Variants in MORN4 observed in about 807,000 individuals in gnomAD.
The protein encoded by MORN4 is MORN repeat containing 4.
MORN4 carries 8 observed loss-of-function variants against 16.4 expected under a neutral mutation model. The observed-to-expected ratio is 0.49, with a 90% CI of 0.29 to 0.88. The LOEUF is 0.88. Ranked by LOEUF, MORN4 falls within the 40% of genes least tolerant of loss-of-function variation. The probability of loss-of-function intolerance (pLI) is 0.09; values close to 1 mark genes in which losing one functional copy is unlikely to be tolerated. For missense variants in MORN4, 159 were observed against 182.9 expected (o/e 0.87, Z 0.75); for synonymous variants, 53 against 68.9 (o/e 0.77, Z 1.14).
intron 1 of MORN4, among the ~76,000 whole-genome samples, chr10:97,625,104 G>T (rs2041336065): frequency 6.6e-6 from 1 of 152,180 alleles, no homozygotes; most frequent in Admixed American, 6.6e-5. Flanking sequence ...GGTGCAGAGA[G>T]GATAAGTAAA....
intron 1 of MORN4, among the ~76,000 whole-genome samples, chr10:97,632,460 A>G (rs1196236207): frequency 1.1e-4 from 17 of 151,496 alleles, no homozygotes; most frequent in Non-Finnish European, 1.5e-4. Flanking sequence ...TTCGTGATCC[A>G]CCCGCCTCGG....
At chr10:97,626,987 C>T (rs1172704983) in intron 1 of MORN4, among the ~76,000 whole-genome samples, 2 of 151,594 alleles carry the variant, frequency 1.3e-5, no homozygotes, top group South Asian at 2.1e-4. Flanking sequence ...GAACTCCTGA[C>T]CTCAGGTGAT....
chr10:97,624,245 C>T (rs1180789543), intron 1 of MORN4, among the ~76,000 whole-genome samples: 2 of 152,182 alleles, frequency 1.3e-5, no homozygotes, highest in Non-Finnish European at 2.9e-5. Flanking sequence ...GTTAAATTTG[C>T]TTTCTCCACA....
upstream of MORN4, among the ~76,000 whole-genome samples, chr10:97,633,837 C>T (rs753990358): frequency 2.6e-5 from 4 of 152,232 alleles, no homozygotes; most frequent in Admixed American, 6.5e-5. The surrounding 1 kb of genome is among the most constrained non-coding windows in gnomAD (Gnocchi z 4.5). Flanking sequence ...AAGGCAGATC[C>T]TAAATCCAGC....
At chr10:97,626,845 C>A (rs1258814277) in intron 1 of MORN4, among the ~76,000 whole-genome samples, 1 of 150,852 alleles carries the variant, frequency 6.6e-6, no homozygotes, top group Non-Finnish European at 1.5e-5. Flanking sequence ...GTAACCTCTG[C>A]CTCCCAGGTT....
intron 1 of MORN4, among the ~76,000 whole-genome samples, chr10:97,625,515 T>C (rs1293705934): frequency 6.6e-6 from 1 of 152,210 alleles, no homozygotes; most frequent in Non-Finnish European, 1.5e-5. Flanking sequence ...CCACTAAATG[T>C]TAGTTTCTTT....
chr10:97,625,474 C>A (rs985564752), intron 1 of MORN4, among the ~76,000 whole-genome samples: 1 of 152,128 alleles, frequency 6.6e-6, no homozygotes, highest in Non-Finnish European at 1.5e-5. Context: ...ATGACACACA[C>A]GTAAGTACCT....
chr10:97,619,154 G>A (rs1216154573), intron 2 of MORN4, among the ~76,000 whole-genome samples: 2 of 151,900 alleles, frequency 1.3e-5, no homozygotes, highest in Non-Finnish European at 2.9e-5. Flanking sequence ...GTGAAACCCC[G>A]TCTCTACTAA....
In MORN4 at chr10:97,618,258, C is replaced by CTTTTTT. The variant is rs1192502394; in HGVS notation, c.68-942_68-937dup. On this transcript the variant is annotated intron_variant, in intron 2 of 4. Transcript: ENST00000307450. ...CCTTTACTATGTGCCAGCCTCTCTT[C>CTTTTTT]TTTTTTTTTTTTTTTTTTTTTTTTG... 3.0e-3 allele frequency among the ~76,000 whole-genome samples: 283 copies of CTTTTTT among 92,828 alleles called. 7 individuals carry two copies. Among genetic ancestry groups the CTTTTTT allele is most frequent in the East Asian group, 0.012 (33 of 2,794 alleles). 60.9% of individuals were successfully genotyped at this position (92,828 alleles called of 152,430 possible).
chr10:97,616,449 G>A (rs1247133013), intron 4 of MORN4, 38 bp from the exon 5 acceptor site: 13 of 1,560,042 alleles, frequency 8.3e-6, no homozygotes, highest in African/African-American at 1.4e-5. Context: ...AGTGACAATG[G>A]CATTAATGTC....
chr10:97,627,758 C>T (rs184999289), intron 1 of MORN4, among the ~76,000 whole-genome samples: 1 of 152,268 alleles, frequency 6.6e-6, no homozygotes, highest in Non-Finnish European at 1.5e-5. Flanking sequence ...AGAAGATATC[C>T]GAGGCAAGGA....
chr10:97,629,828 G>C (rs930404247), intron 1 of MORN4, among the ~76,000 whole-genome samples: 2 of 151,448 alleles, frequency 1.3e-5, no homozygotes, highest in Admixed American at 6.6e-5. Flanking sequence ...GTGTGATCTC[G>C]GCTCACTGCA....
In MORN4 at chr10:97,633,277, C is replaced by G. The variant is rs2041413006; in HGVS notation, c.-31+70G>C. The stretch of plus-strand genomic sequence containing the variant: ...CCCCCGAGCCGGGTCATCTCGTGCT[C>G]CGTTCCTCAGTGCCCACCTGACCGA... On this transcript the variant is annotated intron_variant, in intron 1 of 4. Transcript: ENST00000307450. The surrounding 1 kb of genome is among the most constrained non-coding windows in gnomAD (Gnocchi z 4.5). 2 of 1,267,042 alleles carry G rather than the reference C, an allele frequency of 1.6e-6. No individual in the cohort carries two copies. Among genetic ancestry groups the G allele is most frequent in the South Asian group, 1.3e-5 (1 of 78,116 alleles). 78.5% of individuals were successfully genotyped at this position (1,267,042 alleles called of 1,614,324 possible).
chr10:97,629,162 C>T (rs762937365), intron 1 of MORN4, among the ~76,000 whole-genome samples: 110 of 152,000 alleles, frequency 7.2e-4, no homozygotes, highest in African/African-American at 2.9e-4. Context: ...CCGAGGCGGA[C>T]GGATCACCTG....
intron 4 of MORN4, 33 bp from the exon 5 acceptor site, chr10:97,616,444 C>A (rs1364796059): frequency 6.4e-7 from 1 of 1,567,902 alleles, no homozygotes; most frequent in South Asian, 1.2e-5. Context: ...ATGGGAGTGA[C>A]AATGGCATTA....
chr10:97,623,366 G>T (rs1020405384), intron 1 of MORN4, among the ~76,000 whole-genome samples: 14 of 152,082 alleles, frequency 9.2e-5, no homozygotes, highest in African/African-American at 3.1e-4. Context: ...AATTGCTTGA[G>T]CCCAGGAGTC....
intron 1 of MORN4, among the ~76,000 whole-genome samples, chr10:97,628,115 T>C (rs1002063524): frequency 6.6e-6 from 1 of 152,234 alleles, no homozygotes; most frequent in Non-Finnish European, 1.5e-5. Flanking sequence ...GGTTGAAGTT[T>C]CATTCCTTCA....
rs915526150 is a variant in MORN4 at position 97,615,426 on chromosome 10, A to G, written c.*837T>C. 6 of 152,156 alleles carry G rather than the reference A, an allele frequency of 3.9e-5. No individual in the cohort carries two copies. Among genetic ancestry groups the G allele is most frequent in the African/African-American group, 1.4e-4 (6 of 41,424 alleles). 9.4% of individuals were successfully genotyped at this position (152,156 alleles called of 1,614,324 possible). A position where few individuals can be genotyped will look rare whatever the true frequency, so the allele number is the denominator to read the frequency against. On this transcript the variant is annotated 3_prime_UTR_variant, in exon 5 of 5. Transcript: ENST00000307450. ...GCAAGACCCTGGCTCAATTTTTTAT[A>G]ATAATAAAATTAAAGGCTGAGCGTG...
rs1293177636 is a variant in MORN4 at position 97,616,707 on chromosome 10, TC to T, written c.262del (p.Glu88AsnfsTer7). 2 of 1,613,884 alleles carry T rather than the reference TC, an allele frequency of 1.2e-6. No homozygotes were observed. Among genetic ancestry groups the T allele is most frequent in the Non-Finnish European group, 8.5e-7 (1 of 1,179,962 alleles). On this transcript the variant is annotated frameshift_variant, in exon 4 of 5. Transcript: ENST00000307450. LOFTEE classifies it high-confidence loss of function. ...IRYDNMTFEGEFKNGRVDGFG... is the reference protein window; with the variant it reads ...IRYDNMTFEGXFKNGRVDGFG... Reference sequence around the variant, plus strand: ...ACCATCTACTCTGCCATTTTTAAATTCCCCCTCAAAGGTCATGTTGTCATAT... The same window carrying T: ...ACCATCTACTCTGCCATTTTTAAATTCCCCTCAAAGGTCATGTTGTCATAT...
Sources: allele counts gnomAD v4.1 joint callset (sites outside exome capture counted in the v4.1 genomes callset), GRCh38; gene constraint gnomAD v4.1.1; non-coding constraint Gnocchi (gnomAD v3.1); transcripts MANE v1.5; gene names NCBI Gene and HGNC (gene_info 2026-07-23, HGNC 2026-07-21).